The following MFSD11 variants were observed in gnomAD, a reference collection of about 807,000 sequenced individuals.
MFSD11 encodes the protein UNC93-like protein MFSD11.
A neutral mutation model predicts 53.5 loss-of-function variants in MFSD11; 36 were observed. That is an observed-to-expected ratio of 0.67 (90% confidence interval 0.52 to 0.89). The LOEUF (loss-of-function observed/expected upper bound fraction) is 0.89, where lower values mean the gene tolerates loss of function less well. MFSD11 is among the 40% of genes least tolerant of loss of function. The pLI is 0.00. For missense variants in MFSD11, 530 were observed against 543.9 expected (o/e 0.97, Z 0.25); for synonymous variants, 186 against 184.9 (o/e 1.01, Z -0.05).
the MFSD11 span, among the ~76,000 whole-genome samples, chr17:76,798,142 C>T: frequency 1.3e-5 from 2 of 152,254 alleles, no homozygotes; most frequent in East Asian, 3.9e-4. Context: ...CCCACCTCAG[C>T]CTCCCAAAGT....
upstream of MFSD11, chr17:76,737,235 T>A: frequency 6.9e-7 from 1 of 1,459,416 alleles, no homozygotes; most frequent in Non-Finnish European, 9.1e-7. Context: ...ACGCCGCGCC[T>A]CTCAGGCAGT....
At chr17:76,799,638 T>C in the MFSD11 span, 1 of 152,240 alleles carries the variant, frequency 6.6e-6, no homozygotes, top group Non-Finnish European at 1.5e-5. Context: ...CCTCCCAAAG[T>C]GCTGCGATTA....
rs138675571 is a variant in MFSD11, at chr17:76,743,524, C to T, written c.496+68C>T. 269 of 967,388 alleles carry T rather than the reference C, an allele frequency of 2.8e-4. 3 individuals are homozygous for T. In the African/African-American group the frequency reaches 3.7e-3, roughly 13 times the overall value. The allele number at this position is 967,388 out of a possible 1,614,324, so 59.9% of individuals were successfully genotyped here. A position where few individuals can be genotyped will look rare whatever the true frequency, so the allele number is the denominator to read the frequency against. ...ATAATAGGAGTTATATAGAAATACC[C>T]ATTATTGCTTTATTCAAGCATCGTT... is the stretch of plus-strand genomic sequence containing the variant. On this transcript the variant is annotated intron_variant, in intron 6 of 12. Coordinates refer to ENST00000685175, the MANE Select transcript of MFSD11 (RefSeq NM_001242532.5).
chr17:76,787,870 A>T, the MFSD11 span, among the ~76,000 whole-genome samples: 1 of 149,852 alleles, frequency 6.7e-6, no homozygotes, highest in East Asian at 1.9e-4. Flanking sequence ...AGCAATCATA[A>T]AACTGACAGA....
intron 8 of MFSD11, among the ~76,000 whole-genome samples, chr17:76,757,941 C>G (rs113596315): frequency 6.6e-6 from 1 of 151,752 alleles, no homozygotes; most frequent in Non-Finnish European, 1.5e-5. Flanking sequence ...ACCCAAGAGG[C>G]GGAGGTTGCA....
intron 10 of MFSD11, among the ~76,000 whole-genome samples, chr17:76,770,547 A>G (rs1486094472): frequency 2.0e-5 from 3 of 152,166 alleles, no homozygotes; most frequent in African/African-American, 7.2e-5. Context: ...TAACTCTCCA[A>G]AGTTAGTGTC....
the MFSD11 span, among the ~76,000 whole-genome samples, chr17:76,798,030 C>T: frequency 4.6e-5 from 7 of 151,100 alleles, no homozygotes; most frequent in Admixed American, 2.0e-4. Context: ...ACCACAGGTG[C>T]GCACCACCAC....
At chr17:76,750,364 A>ATTTTTT (rs1256470874) in intron 7 of MFSD11, among the ~76,000 whole-genome samples, 4 of 123,664 alleles carry the variant, frequency 3.2e-5, no homozygotes, top group African/African-American at 6.8e-5. Context: ...TGTGTTAGTA[A>ATTTTTT]TTTTTTTTTT....
In MFSD11 at chr17:76,765,452, C is replaced by CTTTTTTTTTTT. The variant is rs59878271; in HGVS notation, c.683-1916_683-1906dup. Among the ~76,000 whole-genome samples the CTTTTTTTTTTT allele has an allele frequency of 6.6e-5, 6 of 91,498 alleles. 1 individual carries two copies. The highest frequency in any genetic ancestry group is 1.1e-4 in the Non-Finnish European group (5 of 45,672). The allele number at this position is 91,498 out of a possible 152,430, so 60.0% of individuals were successfully genotyped here. A position where few individuals can be genotyped will look rare whatever the true frequency, so the allele number is the denominator to read the frequency against. Reference sequence around the variant, plus strand: ...GGCTATTGTGGGTCCCTTGAATTTCCTTTTTTTTTTTTTTTTTTTTTTTTT... The same window carrying CTTTTTTTTTTT: ...GGCTATTGTGGGTCCCTTGAATTTCCTTTTTTTTTTTTTTTTTTTTTTTTTTTTTTTTTTTT... On this transcript the variant is annotated intron_variant, in intron 8 of 12. Transcript: ENST00000685175.
At chr17:76,755,212 C>CAA (rs758631412) in intron 8 of MFSD11, among the ~76,000 whole-genome samples, 1 of 123,322 alleles carries the variant, frequency 8.1e-6, no homozygotes, top group Non-Finnish European at 1.8e-5. Context: ...GAGACTGTCT[C>CAA]AAAAAAAAAA....
At chr17:76,745,223 G>T (rs1598505749) in intron 7 of MFSD11, among the ~76,000 whole-genome samples, 1 of 152,166 alleles carries the variant, frequency 6.6e-6, no homozygotes. Flanking sequence ...CTTTCGCATT[G>T]AGCATCCCAT....
chr17:76,780,688 G>T (rs1452810907), downstream of MFSD11, among the ~76,000 whole-genome samples: 3 of 151,846 alleles, frequency 2.0e-5, no homozygotes, highest in African/African-American at 7.3e-5. Context: ...GCTAATTTTT[G>T]TATTTTCAGT....
chr17:76,778,857 C>G lies in MFSD11; in HGVS notation c.*505C>G, dbSNP rs2082061110. Reference sequence around the variant, plus strand: ...GCTATACTCCCAGCTGTTGGGGAGGCTGAGACAGAAGGATCACTTCAGCCC... The same window carrying G: ...GCTATACTCCCAGCTGTTGGGGAGGGTGAGACAGAAGGATCACTTCAGCCC... On this transcript the variant is annotated 3_prime_UTR_variant, in exon 13 of 13. Coordinates refer to ENST00000685175, the MANE Select transcript of MFSD11 (RefSeq NM_001242532.5). The G allele has an allele frequency of 6.4e-6, 1 of 156,386 alleles. No homozygotes were observed. The highest frequency in any genetic ancestry group is 1.4e-5 in the Non-Finnish European group (1 of 70,638). The allele number at this position is 156,386 out of a possible 1,614,324, so 9.7% of individuals were successfully genotyped here.
chr17:76,795,171 T>A, the MFSD11 span, among the ~76,000 whole-genome samples: 1 of 151,888 alleles, frequency 6.6e-6, no homozygotes, highest in African/African-American at 2.4e-5. Flanking sequence ...GCATTTACAT[T>A]GTATTAGGTA....
chr17:76,790,348 T>C, the MFSD11 span, among the ~76,000 whole-genome samples: 125 of 138,240 alleles, frequency 9.0e-4, 8 homozygotes, highest in South Asian at 0.014. Flanking sequence ...TCTTTCTTTC[T>C]TTTTTTTTTT....
At chr17:76,741,701 T>C (rs1363668744) in intron 3 of MFSD11, among the ~76,000 whole-genome samples, 2 of 152,130 alleles carry the variant, frequency 1.3e-5, no homozygotes, top group Non-Finnish European at 2.9e-5. Context: ...GGTGGGAGGA[T>C]GGCTTGAGCC....
At chr17:76,782,432 C>T (rs886188784), downstream of MFSD11, among the ~76,000 whole-genome samples, 4 of 150,734 alleles carry the variant, frequency 2.7e-5, no homozygotes, top group African/African-American at 9.8e-5. Flanking sequence ...GTCTCAGCCT[C>T]CCAAAGTGCT....
intron 10 of MFSD11, among the ~76,000 whole-genome samples, chr17:76,771,401 A>C (rs531363345): frequency 6.6e-6 from 1 of 152,384 alleles, no homozygotes; most frequent in African/African-American, 2.4e-5. Context: ...TTTGTTCAGC[A>C]CTTGCAGTAT....
At chr17:76,774,424 G>A (rs1454540714) in intron 10 of MFSD11, among the ~76,000 whole-genome samples, 3 of 152,110 alleles carry the variant, frequency 2.0e-5, no homozygotes, top group East Asian at 3.9e-4. Context: ...TGCTGGTATC[G>A]ATTTCTGGGG....
Sources: allele counts gnomAD v4.1 joint callset (sites outside exome capture counted in the v4.1 genomes callset), GRCh38; gene constraint gnomAD v4.1.1; transcripts MANE v1.5; gene names NCBI Gene and HGNC (gene_info 2026-07-23, HGNC 2026-07-21).